Variants in CNTNAP2 observed in about 807,000 individuals in gnomAD.
CNTNAP2 encodes contactin associated protein 2.
Under a neutral mutation model 155.2 loss-of-function variants are expected in CNTNAP2, and 98 were observed. The observed-to-expected ratio is 0.63, with a 90% confidence interval of 0.54 to 0.75. CNTNAP2 has a LOEUF of 0.75. CNTNAP2 is among the 30% of genes least tolerant of loss of function. The pLI is 0.00. For synonymous variants in CNTNAP2, 651 were observed against 631.2 expected (o/e 1.03, Z -0.47); for missense variants, 1,727 against 1,688.1 (o/e 1.02, Z -0.40).
rs919745224 is a variant in CNTNAP2 at position 146,441,676 on chromosome 7, A to T, written c.97+324703A>T. Among the ~76,000 whole-genome samples the T allele has an allele frequency of 2.0e-5, 3 of 151,400 alleles. No individual in the cohort carries two copies. In the South Asian group the frequency reaches 6.2e-4, roughly 31 times the overall value. ...TCGCATTCCTCTCTGGGTTTTTGCC[A>T]GTTCCCAAAATCTCTACCTGAGAAG... On this transcript the variant is annotated intron_variant, in intron 1 of 23. Coordinates refer to ENST00000361727, the MANE Select transcript of CNTNAP2 (RefSeq NM_014141.6).
At chr7:147,341,088 G>A (rs376797490) in intron 9 of CNTNAP2, among the ~76,000 whole-genome samples, 1 of 134,882 alleles carries the variant, frequency 7.4e-6, no homozygotes, top group African/African-American at 2.9e-5. Flanking sequence ...GTGTGTGTGT[G>A]TGTATATATA....
Position 148,118,270 on chromosome 7 carries a change from A to G in CNTNAP2, c.2536A>G (p.Ile846Val), listed in dbSNP as rs1804519311. 1.9e-6 allele frequency: 3 copies of G among 1,614,132 alleles called. No homozygotes were observed. The highest frequency in any genetic ancestry group is 1.1e-5 in the South Asian group (1 of 91,086). The change falls in exon 16 of 24, where the codon ATC becomes GTC. Residue 846 changes from isoleucine (I) to valine (V), a missense_variant. Physicochemically the swap from Ile to Val is conservative, Grantham distance 29 (BLOSUM62 3). Coordinates refer to ENST00000361727, the MANE Select transcript of CNTNAP2 (RefSeq NM_014141.6). The stretch of plus-strand genomic sequence containing the variant: ...TGAAAATATGGGAAAGGAAGATTTC[A>G]TCAAGCTGGAGCTGAAGTGTGAGTA... Reference protein sequence around the residue: ...FLENMGKEDFIKLELKSATEV... With the variant: ...FLENMGKEDFVKLELKSATEV...
At chr7:148,290,750 C>T (rs1313175683) in intron 21 of CNTNAP2, among the ~76,000 whole-genome samples, 2 of 152,062 alleles carry the variant, frequency 1.3e-5, no homozygotes, top group Non-Finnish European at 2.9e-5. Flanking sequence ...CATCACTCAC[C>T]CTGGCACTCA....
chr7:147,487,922 T>C (rs555464443), intron 11 of CNTNAP2, among the ~76,000 whole-genome samples: 1 of 152,306 alleles, frequency 6.6e-6, no homozygotes, highest in Admixed American at 6.5e-5. Flanking sequence ...GCAGAATCAT[T>C]CTTTTTAATA....
At chr7:147,090,702 T>C (rs1194533957) in intron 4 of CNTNAP2, among the ~76,000 whole-genome samples, 1 of 152,206 alleles carries the variant, frequency 6.6e-6, no homozygotes, top group Non-Finnish European at 1.5e-5. Context: ...AAACAATTGA[T>C]ATAATTATTC....
At chr7:146,408,132 T>C (rs1410192207) in intron 1 of CNTNAP2, among the ~76,000 whole-genome samples, 2 of 152,106 alleles carry the variant, frequency 1.3e-5, no homozygotes, top group East Asian at 3.9e-4. Flanking sequence ...TGTTCAAAGG[T>C]CAACCGTATC....
intron 10 of CNTNAP2, among the ~76,000 whole-genome samples, chr7:147,450,187 A>C (rs1304607087): frequency 1.3e-5 from 2 of 152,236 alleles, no homozygotes; most frequent in African/African-American, 4.8e-5. Context: ...CCACTGGTGG[A>C]AGAAGAGAAA....
At chr7:148,064,417 G>A (rs1803215129) in intron 15 of CNTNAP2, among the ~76,000 whole-genome samples, 1 of 151,878 alleles carries the variant, frequency 6.6e-6, no homozygotes, top group Non-Finnish European at 1.5e-5. Flanking sequence ...GTCCTAGCCA[G>A]AGCAATCAGA....
At chr7:147,496,248 CTG>C (rs1321653404) in intron 11 of CNTNAP2, among the ~76,000 whole-genome samples, 8 of 152,140 alleles carry the variant, frequency 5.3e-5, no homozygotes, top group African/African-American at 1.9e-4. Context: ...CATGGAAAAA[CTG>C]TCTTCCATGA....
chr7:147,876,602 A>G (rs1167305582), intron 13 of CNTNAP2, among the ~76,000 whole-genome samples: 1 of 148,758 alleles, frequency 6.7e-6, no homozygotes, highest in African/African-American at 2.5e-5. Context: ...TAATACAAAT[A>G]TTATTGTTAT....
chr7:148,192,304 T>C (rs969879140), intron 18 of CNTNAP2, among the ~76,000 whole-genome samples: 3 of 152,138 alleles, frequency 2.0e-5, no homozygotes, highest in Admixed American at 2.0e-4. Context: ...TGTGGACCCA[T>C]TGTTTAGCTC....
intron 13 of CNTNAP2, among the ~76,000 whole-genome samples, chr7:147,799,494 A>G (rs1797953457): frequency 6.6e-6 from 1 of 152,202 alleles, no homozygotes; most frequent in African/African-American, 2.4e-5. Flanking sequence ...TAATTATAAT[A>G]TGTAAGCTAT....
At chr7:148,402,114 A>G (rs1430317395) in intron 22 of CNTNAP2, among the ~76,000 whole-genome samples, 1 of 152,202 alleles carries the variant, frequency 6.6e-6, no homozygotes, top group African/African-American at 2.4e-5. Flanking sequence ...ATCATAACAT[A>G]TAGCCGATGA....
rs1410204824 is a variant in CNTNAP2 at position 148,409,933 on chromosome 7, C to T, written c.3796+462C>T. On this transcript the variant is annotated intron_variant, in intron 23 of 23. Coordinates refer to ENST00000361727, the MANE Select transcript of CNTNAP2 (RefSeq NM_014141.6). The stretch of plus-strand genomic sequence containing the variant: ...GGGCGCAGTGGCGGGCGCCTGTAGT[C>T]CCAGCTACTCAGGAGGCTGAGGCAG... Among the ~76,000 whole-genome samples, 30 of 91,586 alleles carry T rather than the reference C, an allele frequency of 3.3e-4. 11 individuals carry two copies. Among genetic ancestry groups the T allele is most frequent in the African/African-American group, 1.4e-3 (29 of 20,446 alleles). 60.1% of individuals were successfully genotyped at this position (91,586 alleles called of 152,430 possible). A position where few individuals can be genotyped will look rare whatever the true frequency, so the allele number is the denominator to read the frequency against.
chr7:146,504,793 G>C (rs991651228), intron 1 of CNTNAP2, among the ~76,000 whole-genome samples: 7 of 152,160 alleles, frequency 4.6e-5, no homozygotes, highest in African/African-American at 1.7e-4. Flanking sequence ...AATCCTGTTT[G>C]CTGGCAAATA....
chr7:147,147,576 C>T (rs1197279529), intron 8 of CNTNAP2, among the ~76,000 whole-genome samples: 1 of 152,112 alleles, frequency 6.6e-6, no homozygotes, highest in Non-Finnish European at 1.5e-5. Flanking sequence ...TGTCCTTCCA[C>T]GGCTCAGCAT....
chr7:146,655,674 G>A (rs1311300963), intron 1 of CNTNAP2, among the ~76,000 whole-genome samples: 1 of 152,006 alleles, frequency 6.6e-6, no homozygotes, highest in Non-Finnish European at 1.5e-5. Context: ...CATGAATAAT[G>A]AGTCTAATAT....
chr7:146,655,727 T>G (rs6948677), intron 1 of CNTNAP2, among the ~76,000 whole-genome samples: 3,265 of 152,228 alleles, frequency 0.021, 114 homozygotes, highest in African/African-American at 0.075. Flanking sequence ...GAAAATGTAT[T>G]GCTATTTGAT....
chr7:148,095,831 C>A (rs1803953731), intron 15 of CNTNAP2, among the ~76,000 whole-genome samples: 1 of 152,184 alleles, frequency 6.6e-6, no homozygotes, highest in Non-Finnish European at 1.5e-5. Flanking sequence ...CAAATTATTT[C>A]TGTTAAAATG....
Sources: allele counts gnomAD v4.1 joint callset (sites outside exome capture counted in the v4.1 genomes callset), GRCh38; gene constraint gnomAD v4.1.1; transcripts MANE v1.5; gene names NCBI Gene and HGNC (gene_info 2026-07-23, HGNC 2026-07-21).